The following UNC13C variants were observed in gnomAD, a reference collection of about 807,000 sequenced individuals.
UNC13C encodes unc-13 homolog C, also known as protein unc-13 homolog C.
In UNC13C, 174 loss-of-function variants were observed where a neutral mutation model predicts 245.4. That is an observed-to-expected ratio of 0.71 (90% CI 0.63 to 0.80). UNC13C has a LOEUF of 0.80. Ranked by LOEUF, UNC13C falls within the 30% of genes least tolerant of loss-of-function variation. The pLI is 0.00. For synonymous variants in UNC13C, 992 were observed against 895.1 expected, an observed-to-expected ratio of 1.11 and a Z score of -1.93; for missense variants, 2,829 against 2,602.9, an observed-to-expected ratio of 1.09 and a Z score of -1.89.
chr15:54,359,425 T>TC (rs1166100016), intron 17 of UNC13C, among the ~76,000 whole-genome samples: 2 of 151,942 alleles, frequency 1.3e-5, no homozygotes, highest in African/African-American at 4.8e-5. Context: ...ATTTGATAAT[T>TC]CAATATTATT....
chr15:54,102,458 T>G (rs1291149137), intron 2 of UNC13C, among the ~76,000 whole-genome samples: 1 of 152,202 alleles, frequency 6.6e-6, no homozygotes, highest in African/African-American at 2.4e-5. Context: ...TATGTCACAC[T>G]CTGGATACAC....
At chr15:54,528,744 C>A (rs1280331286) in intron 25 of UNC13C, among the ~76,000 whole-genome samples, 2 of 152,128 alleles carry the variant, frequency 1.3e-5, no homozygotes, top group East Asian at 1.9e-4. Flanking sequence ...AGAAAGTAGT[C>A]ATTTCAAAGG....
At chr15:54,057,376 A>G (rs1897582720) in intron 2 of UNC13C, among the ~76,000 whole-genome samples, 1 of 151,404 alleles carries the variant, frequency 6.6e-6, no homozygotes, top group Admixed American at 6.6e-5. Context: ...GCCATTACAT[A>G]ATGGTAAAGG....
At chr15:54,335,256 A>C (rs1182945991) in intron 16 of UNC13C, among the ~76,000 whole-genome samples, 1 of 152,116 alleles carries the variant, frequency 6.6e-6, no homozygotes, top group African/African-American at 2.4e-5. Context: ...TACAGTCTTC[A>C]AAATACTGCT....
At chr15:54,124,365 GT>G (rs2030889996) in intron 2 of UNC13C, among the ~76,000 whole-genome samples, 1 of 152,068 alleles carries the variant, frequency 6.6e-6, no homozygotes, top group African/African-American at 2.4e-5. Flanking sequence ...TTTCACTATG[GT>G]TTTTATTTGC....
chr15:54,626,066 T>G (rs1365495869), intron 32 of UNC13C, among the ~76,000 whole-genome samples: 1 of 152,196 alleles, frequency 6.6e-6, no homozygotes, highest in Non-Finnish European at 1.5e-5. Flanking sequence ...AAGCTGGTAC[T>G]GCTGAGGGCT....
chr15:54,240,499 A>G (rs754744265), intron 7 of UNC13C, among the ~76,000 whole-genome samples: 2 of 152,218 alleles, frequency 1.3e-5, no homozygotes, highest in Non-Finnish European at 2.9e-5. Context: ...TTTTAATTAA[A>G]GAAATGTACA....
chr15:54,227,841 A>G (rs75349186), intron 4 of UNC13C, among the ~76,000 whole-genome samples: 9,757 of 152,208 alleles, frequency 0.064, 1,112 homozygotes, highest in African/African-American at 0.22. Flanking sequence ...AGGCCTGTCA[A>G]CCACTGACTG....
the UNC13C span, among the ~76,000 whole-genome samples, chr15:53,923,622 T>C: frequency 6.6e-6 from 1 of 152,240 alleles, no homozygotes; most frequent in Admixed American, 6.5e-5. Context: ...CATTGTTTTC[T>C]GGTGGAAATC....
intron 4 of UNC13C, among the ~76,000 whole-genome samples, chr15:54,231,145 T>C (rs777999891): frequency 6.6e-4 from 100 of 152,204 alleles, no homozygotes; most frequent in Middle Eastern, 6.8e-3. Context: ...GGTTGTGATC[T>C]GAAGATAATA....
intron 30 of UNC13C, among the ~76,000 whole-genome samples, chr15:54,619,023 G>A (rs569241128): frequency 2.7e-4 from 41 of 152,256 alleles, no homozygotes; most frequent in African/African-American, 9.1e-4. Flanking sequence ...TTTAAGAGTA[G>A]TTTGAACAGT....
intron 19 of UNC13C, among the ~76,000 whole-genome samples, chr15:54,435,156 G>A (rs1485371870): frequency 6.6e-6 from 1 of 152,112 alleles, no homozygotes; most frequent in Non-Finnish European, 1.5e-5. Context: ...TTCAGCAATA[G>A]TGGAAGACAA....
the UNC13C span, among the ~76,000 whole-genome samples, chr15:53,927,180 A>G: frequency 3.9e-5 from 6 of 152,252 alleles, no homozygotes; most frequent in South Asian, 1.2e-3. Flanking sequence ...GTTAAGTAAC[A>G]CTCCCAAGAT....
At chr15:54,600,963 A>G (rs1329471765) in intron 30 of UNC13C, among the ~76,000 whole-genome samples, 1 of 152,124 alleles carries the variant, frequency 6.6e-6, no homozygotes, top group Non-Finnish European at 1.5e-5. Flanking sequence ...CATGAAATAC[A>G]CTAACACTAA....
chr15:54,201,880 A>G (rs1205719803), intron 4 of UNC13C, among the ~76,000 whole-genome samples: 3 of 151,890 alleles, frequency 2.0e-5, no homozygotes, highest in African/African-American at 7.2e-5. Flanking sequence ...AACTGTTACT[A>G]TTTGCTGATG....
chr15:54,501,787 C>T (rs942078741), intron 22 of UNC13C, among the ~76,000 whole-genome samples: 2 of 151,916 alleles, frequency 1.3e-5, no homozygotes, highest in Admixed American at 6.6e-5. Flanking sequence ...AAGACTAAAA[C>T]GGAGAAGTTA....
Position 54,549,670 on chromosome 15 carries a change from T to C in UNC13C, c.5856T>C (p.Leu1952=). 6.2e-7 allele frequency: 1 copy of C among 1,603,038 alleles called. No homozygotes were observed. Among genetic ancestry groups the C allele is most frequent in the Non-Finnish European group, 8.5e-7 (1 of 1,175,528 alleles). Reference sequence around the variant, plus strand: ...TGATTTTCATTGCAGCTAAAGATCTTGGACAATTATCCAAACTGAAGGTAA... The same window carrying C: ...TGATTTTCATTGCAGCTAAAGATCTCGGACAATTATCCAAACTGAAGGTAA... The part of the protein sequence containing the change: ...PQMIFIAAKD[L]GQLSKLKEHM... The change falls in exon 28 of 33, where the codon CTT becomes CTC. Residue 1952 remains leucine (L), a synonymous_variant. Coordinates refer to ENST00000260323, the MANE Select transcript of UNC13C (RefSeq NM_001080534.3).
the UNC13C span, among the ~76,000 whole-genome samples, chr15:53,942,275 T>C: frequency 1.3e-5 from 2 of 152,206 alleles, no homozygotes; most frequent in Admixed American, 6.5e-5. Flanking sequence ...AGCTAGAAGC[T>C]GTTATCCTCA....
At chr15:54,067,569 G>A (rs17634047) in intron 2 of UNC13C, among the ~76,000 whole-genome samples, 29,667 of 152,166 alleles carry the variant, frequency 0.19, 3,045 homozygotes, top group Admixed American at 0.29. Flanking sequence ...ATGTTGCACT[G>A]TATGGACAAA....
Sources: gnomAD v4.1 joint callset for allele counts (sites outside exome capture counted in the v4.1 genomes callset) on GRCh38, gnomAD v4.1.1 for gene constraint, MANE v1.5 for transcripts, NCBI Gene and HGNC (gene_info 2026-07-23, HGNC 2026-07-21) for gene names.